Variants in ADGRF5 observed in about 807,000 individuals in gnomAD.
ADGRF5 encodes the protein G-protein coupled receptor 116.
A neutral mutation model predicts 132.3 loss-of-function variants in ADGRF5; 75 were observed. That is an observed-to-expected ratio of 0.57 (90% confidence interval 0.47 to 0.69). The LOEUF (loss-of-function observed/expected upper bound fraction) is 0.69, where lower values mean the gene tolerates loss of function less well. Ranked by LOEUF, ADGRF5 falls within the 30% of genes least tolerant of loss-of-function variation. ADGRF5 has a pLI of 0.00. For synonymous variants in ADGRF5, 629 were observed against 597.6 expected, an observed-to-expected ratio of 1.05 and a Z score of -0.77; for missense variants, 1,516 against 1,630.6, an observed-to-expected ratio of 0.93 and a Z score of 1.21.
Position 46,855,886 on chromosome 6 carries a change from G to A in ADGRF5, c.3961+88C>T. The A allele has an allele frequency of 4.0e-6, 3 of 753,790 alleles. No individual in the cohort carries two copies. The East Asian group carries it at 7.7e-5, about 19-fold the overall frequency. 46.7% of individuals were successfully genotyped at this position (753,790 alleles called of 1,614,324 possible). A position where few individuals can be genotyped will look rare whatever the true frequency, so the allele number is the denominator to read the frequency against. On this transcript the variant is annotated intron_variant, in intron 20 of 20. Transcript: ENST00000283296. ...AGGACATTTCAGGTAAATGCCATGA[G>A]CGGGGTGAAAGAGTAGGGGTGTTGA... is the stretch of plus-strand genomic sequence containing the variant.
At chr6:46,896,494 G>A (rs1389683243) in intron 3 of ADGRF5, among the ~76,000 whole-genome samples, 4 of 151,956 alleles carry the variant, frequency 2.6e-5, no homozygotes, top group Non-Finnish European at 4.4e-5. Flanking sequence ...CCTTTCAAAC[G>A]CAACACTATT....
chr6:46,881,769 C>A (rs1772498524), intron 7 of ADGRF5, among the ~76,000 whole-genome samples, 172 bp from the exon 8 acceptor site: 1 of 152,232 alleles, frequency 6.6e-6, no homozygotes, highest in Non-Finnish European at 1.5e-5. Context: ...CATTGCATGG[C>A]ATTATTTCAT....
intron 1 of ADGRF5, among the ~76,000 whole-genome samples, chr6:46,934,115 G>T (rs758315498): frequency 1.3e-5 from 2 of 152,034 alleles, no homozygotes; most frequent in Non-Finnish European, 2.9e-5. Flanking sequence ...AACCTTCTGG[G>T]CTCTCACTAA....
At chr6:46,880,291 G>A (rs193290841) in intron 8 of ADGRF5, among the ~76,000 whole-genome samples, 2 of 152,108 alleles carry the variant, frequency 1.3e-5, no homozygotes, top group African/African-American at 4.8e-5. Flanking sequence ...CTTAACGGCA[G>A]TAATGGAGAT....
In ADGRF5 at chr6:46,880,036, T is replaced by C; in HGVS notation, c.818A>G (p.Glu273Gly). The C allele has an allele frequency of 6.2e-7, 1 of 1,612,182 alleles. No individual in the cohort carries two copies. The highest frequency in any genetic ancestry group is 8.5e-7 in the Non-Finnish European group (1 of 1,178,214). The change falls in exon 9 of 21, where the codon GAA becomes GGA. Residue 273 changes from glutamate to glycine, a missense_variant. Transcript: ENST00000283296. ...YNSFQAVTIN[E>G]SNFFVTPEII... ...TTCTGGTGTGACAAAGAAATTGCTT[T>C]CATCTGGAAACCCAAAGAAAAGTTA...
At chr6:46,904,892 T>G (rs1431440786) in intron 2 of ADGRF5, among the ~76,000 whole-genome samples, 17 of 152,120 alleles carry the variant, frequency 1.1e-4, no homozygotes, top group Admixed American at 1.1e-3. Context: ...ACATTATACC[T>G]TGAAGGGTAG....
intron 1 of ADGRF5, among the ~76,000 whole-genome samples, chr6:46,912,598 G>A (rs1458069176): frequency 1.3e-5 from 2 of 151,948 alleles, no homozygotes; most frequent in Non-Finnish European, 2.9e-5. Context: ...TAGAGAAGGA[G>A]GCCTAGGAAC....
intron 13 of ADGRF5, among the ~76,000 whole-genome samples, chr6:46,865,904 A>G (rs1305130479): frequency 6.6e-6 from 1 of 151,984 alleles, no homozygotes; most frequent in African/African-American, 2.4e-5. Flanking sequence ...TCTCCCTTTC[A>G]TTGCCTACTA....
intron 10 of ADGRF5, among the ~76,000 whole-genome samples, chr6:46,876,904 C>G (rs1771722390): frequency 1.3e-5 from 2 of 152,010 alleles, no homozygotes; most frequent in African/African-American, 4.8e-5. Context: ...CGCCCCTGTT[C>G]TGATAATTTT....
chr6:46,859,612 A>G, intron 16 of ADGRF5, 89 bp from the exon 17 acceptor site: 1 of 799,136 alleles, frequency 1.3e-6, no homozygotes, highest in Non-Finnish European at 2.0e-6. Flanking sequence ...AACTGATTGC[A>G]TAAAGGTAAG....
Position 46,853,895 on chromosome 6 carries a change from T to C in ADGRF5, c.*97A>G. 1 of 810,824 alleles carries C rather than the reference T, an allele frequency of 1.2e-6. No individual in the cohort carries two copies. Among genetic ancestry groups the C allele is most frequent in the East Asian group, 2.8e-5 (1 of 35,562 alleles). The allele number at this position is 810,824 out of a possible 1,614,324, so 50.2% of individuals were successfully genotyped here. Reference sequence around the variant, plus strand: ...TTTTTGGCATCTGCTCCCGGAAACCTGCCCCGAGAACACGTTCCCCATTGC... The same window carrying C: ...TTTTTGGCATCTGCTCCCGGAAACCCGCCCCGAGAACACGTTCCCCATTGC... On this transcript the variant is annotated 3_prime_UTR_variant, in exon 21 of 21. Transcript: ENST00000283296.
intron 1 of ADGRF5, among the ~76,000 whole-genome samples, chr6:46,935,913 A>C (rs906659436): frequency 6.6e-6 from 1 of 152,152 alleles, no homozygotes; most frequent in African/African-American, 2.4e-5. Context: ...GGACGGGGTG[A>C]AGGCGTCCTC....
At position 46,917,083 on chromosome 6, in the gene ADGRF5, G is replaced by A. The variant is rs147391515; in HGVS notation, c.-25+4630C>T. Among the ~76,000 whole-genome samples the A allele has an allele frequency of 1.2e-4, 18 of 152,178 alleles. No individual in the cohort carries two copies. In the East Asian group the frequency reaches 2.9e-3, roughly 24 times the overall value. On this transcript the variant is annotated intron_variant, in intron 1 of 20. Coordinates refer to ENST00000283296, the MANE Select transcript of ADGRF5 (RefSeq NM_001098518.2). Reference sequence around the variant, plus strand: ...CTGTGTGTCAGACACTTGCCATATGGCAAGCATTAGGTTAAGCACTATACA... The same window carrying A: ...CTGTGTGTCAGACACTTGCCATATGACAAGCATTAGGTTAAGCACTATACA...
In ADGRF5 at chr6:46,854,834, A is replaced by G. The variant is rs1455777853; in HGVS notation, c.3962-763T>C. ...CTTATGGGGCCCCCAAACATGCCCA[A>G]TTGGGACTTTCATAATCAGAAGTGA... On this transcript the variant is annotated intron_variant, in intron 20 of 20. Transcript: ENST00000283296. 5 of 835,740 alleles carry G rather than the reference A, an allele frequency of 6.0e-6. No individual in the cohort carries two copies. The African/African-American group carries it at 7.0e-5, about 12-fold the overall frequency. 51.8% of individuals were successfully genotyped at this position (835,740 alleles called of 1,614,324 possible).
At chr6:46,919,762 G>A (rs1180338699) in intron 1 of ADGRF5, among the ~76,000 whole-genome samples, 1 of 152,216 alleles carries the variant, frequency 6.6e-6, no homozygotes, top group Non-Finnish European at 1.5e-5. Flanking sequence ...AATCAGCAAG[G>A]CCTAGTGGCT....
Position 46,878,277 on chromosome 6 carries a change from A to G in ADGRF5, c.1165T>C (p.Leu389=), listed in dbSNP as rs1395160070. ...KVMCDNNPVS[L]NCCSQGNVNW... is the part of the protein sequence containing the mutation. ...ACATTACCCTGACTGCAGCAGTTCAAAGATACAGGATTGTTGTCGCACATC... is the reference window on the plus strand; with the variant it reads ...ACATTACCCTGACTGCAGCAGTTCAGAGATACAGGATTGTTGTCGCACATC... The change falls in exon 10 of 21, where the codon TTG becomes CTG. Residue 389 remains leucine, a synonymous_variant. Coordinates refer to ENST00000283296, the MANE Select transcript of ADGRF5 (RefSeq NM_001098518.2). 1.2e-6 allele frequency: 2 copies of G among 1,613,814 alleles called. No homozygotes were observed. The highest frequency in any genetic ancestry group is 1.7e-6 in the Non-Finnish European group (2 of 1,179,806).
At chr6:46,914,391 C>G (rs543900016) in intron 1 of ADGRF5, among the ~76,000 whole-genome samples, 1 of 152,264 alleles carries the variant, frequency 6.6e-6, no homozygotes, top group South Asian at 2.1e-4. Context: ...AAAATATAAG[C>G]TAAATATTTA....
intron 2 of ADGRF5, chr6:46,903,612 C>A (rs1302540412): frequency 3.3e-5 from 5 of 152,088 alleles, no homozygotes; most frequent in African/African-American, 1.2e-4. Flanking sequence ...CAAATCTTAA[C>A]CCTACTCACC....
intron 5 of ADGRF5, 140 bp from the exon 6 acceptor site, chr6:46,883,805 G>C: frequency 1.6e-6 from 1 of 607,462 alleles, no homozygotes. Flanking sequence ...GCAACGGCAC[G>C]ATCTCAGCTC....
Sources: gnomAD v4.1 joint callset for allele counts (sites outside exome capture counted in the v4.1 genomes callset) on GRCh38, gnomAD v4.1.1 for gene constraint, MANE v1.5 for transcripts, NCBI Gene and HGNC (gene_info 2026-07-23, HGNC 2026-07-21) for gene names.